The following DNAH3 variants were observed in gnomAD, a reference collection of about 807,000 sequenced individuals.
DNAH3 encodes axonemal beta dynein heavy chain 3.
Under a neutral mutation model 432.5 loss-of-function variants are expected in DNAH3, and 332 were observed. That is an observed-to-expected ratio of 0.77 (90% CI 0.70 to 0.84). DNAH3 has a LOEUF of 0.84. Among genes scored for constraint, DNAH3 ranks in the 40% least tolerant of loss-of-function variants. The probability of loss-of-function intolerance (pLI) is 0.00; values close to 1 mark genes in which losing one functional copy is unlikely to be tolerated. For missense variants in DNAH3, 4,861 were observed against 5,114.0 expected (o/e 0.95, Z 1.51); for synonymous variants, 1,956 against 1,900.2 (o/e 1.03, Z -0.76).
At chr16:20,954,118 G>A (rs560231110) in intron 55 of DNAH3, among the ~76,000 whole-genome samples, 1 of 151,236 alleles carries the variant, frequency 6.6e-6, no homozygotes, top group Admixed American at 6.6e-5. Flanking sequence ...AGCTACTGGG[G>A]AGGCTGAAGT....
intron 19 of DNAH3, among the ~76,000 whole-genome samples, chr16:21,084,969 T>A (rs1237384615): frequency 2.9e-5 from 4 of 135,924 alleles, no homozygotes; most frequent in Non-Finnish European, 6.3e-5. Context: ...AACCCCCCCA[T>A]CCCCCCGATG....
At chr16:21,135,421 G>T (rs867766360) in intron 6 of DNAH3, among the ~76,000 whole-genome samples, 2 of 152,176 alleles carry the variant, frequency 1.3e-5, no homozygotes, top group Non-Finnish European at 1.5e-5. Flanking sequence ...GGCTGGGTGC[G>T]GTGGCTCACA....
At chr16:20,977,188 C>A (rs1639461283) in intron 50 of DNAH3, among the ~76,000 whole-genome samples, 1 of 152,144 alleles carries the variant, frequency 6.6e-6, no homozygotes, top group South Asian at 2.1e-4. Context: ...ACCAGCCTGA[C>A]CAACATGGAG....
At chr16:21,106,245 AGATTCCTTTTGTGT>A (rs1166986604) in intron 15 of DNAH3, among the ~76,000 whole-genome samples, 1 of 151,934 alleles carries the variant, frequency 6.6e-6, no homozygotes, top group East Asian at 1.9e-4. Flanking sequence ...GTGTCTAACA[AGATTCCTTTTGTGT>A]GATTCAAATT....
chr16:20,964,533 G>A (rs200801494), exon 53 of DNAH3: 35 of 1,614,120 alleles, frequency 2.2e-5, no homozygotes, highest in East Asian at 1.1e-4. Flanking sequence ...ACTGCAGCGC[G>A]TTTTCCAGCA....
chr16:20,944,811 A>AC, intron 57 of DNAH3, 148 bp from the exon 58 acceptor site: 14 of 750,106 alleles, frequency 1.9e-5, no homozygotes, highest in Non-Finnish European at 3.0e-5. Flanking sequence ...ACGCTGGGAG[A>AC]ACACAACCCT....
rs188731776 is a variant in DNAH3 at position 21,143,492 on chromosome 16, C to T, written c.448+1689G>A. 3.6e-4 allele frequency among the ~76,000 whole-genome samples: 55 copies of T among 152,284 alleles called. 1 individual carries two copies. The East Asian group carries it at 8.7e-3, about 24-fold the overall frequency. On this transcript the variant is annotated intron_variant, in intron 3 of 61. Coordinates refer to ENST00000261383, the Ensembl canonical transcript of DNAH3. Reference sequence around the variant, plus strand: ...GTACCTTGATCTCGGACTTTACAGACTCCAGAACCACAAGATATGAATTTC... The same window carrying T: ...GTACCTTGATCTCGGACTTTACAGATTCCAGAACCACAAGATATGAATTTC...
At chr16:20,976,768 T>A (rs749809181) in intron 50 of DNAH3, among the ~76,000 whole-genome samples, 1 of 152,158 alleles carries the variant, frequency 6.6e-6, no homozygotes, top group Non-Finnish European at 1.5e-5. Flanking sequence ...CCACGTGAGA[T>A]CTGTCTCTTC....
chr16:21,104,283 G>A, intron 16 of DNAH3, 188 bp downstream of exon 16: 1 of 585,904 alleles, frequency 1.7e-6, no homozygotes, highest in East Asian at 2.9e-5. Flanking sequence ...TTACAGTGAA[G>A]CAGTCTTAAA....
At chr16:20,944,610 G>A (rs747412255) in exon 58 of DNAH3, 38 of 1,613,948 alleles carry the variant, frequency 2.4e-5, no homozygotes, top group Admixed American at 2.0e-4. Context: ...CATGGAGGCC[G>A]AACACTTCTG....
chr16:21,004,999 A>T (rs2087205928), intron 41 of DNAH3, among the ~76,000 whole-genome samples: 1 of 151,880 alleles, frequency 6.6e-6, no homozygotes, highest in South Asian at 2.1e-4. Context: ...CCCATTCCTT[A>T]GTCTTATGTT....
At chr16:21,039,973 A>C (rs755581630) in intron 32 of DNAH3, 30 bp from the exon 33 acceptor site, 1 of 1,568,466 alleles carries the variant, frequency 6.4e-7, no homozygotes, top group Admixed American at 1.7e-5. Flanking sequence ...TCAGAATCGG[A>C]ACACGTGCAG....
At chr16:21,060,526 CTTTTTTTTT>C (rs375746116) in intron 25 of DNAH3, among the ~76,000 whole-genome samples, 170 bp from the exon 26 acceptor site, 3,201 of 93,470 alleles carry the variant, frequency 0.034, 159 homozygotes, top group African/African-American at 0.12. Context: ...TTTTTTTTTT[CTTTTTTTTT>C]TTTTTTTTGA....
intron 58 of DNAH3, among the ~76,000 whole-genome samples, chr16:20,943,026 T>A (rs1232591761): frequency 3.4e-4 from 52 of 151,928 alleles, no homozygotes. Context: ...TGGGTTCAAG[T>A]GATCCTCCTG....
intron 9 of DNAH3, among the ~76,000 whole-genome samples, chr16:21,124,088 G>A (rs535679405): frequency 6.6e-6 from 1 of 152,220 alleles, no homozygotes; most frequent in South Asian, 2.1e-4. Flanking sequence ...CACCGTGCCT[G>A]GCCAGTGTTT....
At chr16:21,031,810 T>C (rs949218038) in intron 36 of DNAH3, among the ~76,000 whole-genome samples, 1 of 152,136 alleles carries the variant, frequency 6.6e-6, no homozygotes, top group African/African-American at 2.4e-5. Flanking sequence ...GGTGGATCAC[T>C]AGAGGCCAGG....
At chr16:21,017,733 A>G (rs2087931781) in intron 41 of DNAH3, among the ~76,000 whole-genome samples, 2 of 152,312 alleles carry the variant, frequency 1.3e-5, no homozygotes, top group African/African-American at 4.8e-5. Context: ...GTGGTTCACA[A>G]TCTGACAGAT....
intron 32 of DNAH3, among the ~76,000 whole-genome samples, chr16:21,041,749 A>T (rs1336164301): frequency 6.6e-6 from 1 of 152,040 alleles, no homozygotes; most frequent in African/African-American, 2.4e-5. Context: ...GGCCACCACA[A>T]CCTCTGCCTC....
exon 3 of DNAH3, chr16:21,145,244 C>T: frequency 1.2e-6 from 2 of 1,613,670 alleles, no homozygotes; most frequent in South Asian, 1.1e-5. Context: ...GGTTGGTAGA[C>T]CTTCAGCAGA....
Sources: allele counts gnomAD v4.1 joint callset (sites outside exome capture counted in the v4.1 genomes callset), GRCh38; gene constraint gnomAD v4.1.1; transcripts MANE v1.5; gene names NCBI Gene and HGNC (gene_info 2026-07-23, HGNC 2026-07-21).